JMJD1C: variants seen among roughly 807,000 people sequenced by gnomAD.
JMJD1C encodes jumonji domain containing 1C, also known as jumonji domain-containing protein 1C.
JMJD1C carries 31 observed loss-of-function variants against 245.3 expected under a neutral mutation model. The observed-to-expected ratio is 0.13, with a 90% CI of 0.09 to 0.17. The LOEUF is 0.17. JMJD1C is among the 10% of genes least tolerant of loss of function. The pLI, the probability that JMJD1C is intolerant of heterozygous loss-of-function variation, is 1.00. For synonymous variants in JMJD1C, 1,057 were observed against 1,017.4 expected, an observed-to-expected ratio of 1.04 and a Z score of -0.74; for missense variants, 2,691 against 3,000.2, an observed-to-expected ratio of 0.90 and a Z score of 2.41.
intron 22 of JMJD1C, among the ~76,000 whole-genome samples, chr10:63,178,946 A>G (rs1344434606): frequency 6.6e-6 from 1 of 152,214 alleles, no homozygotes; most frequent in Non-Finnish European, 1.5e-5. Flanking sequence ...TTACATGGAT[A>G]TATTGCCTAG....
intron 2 of JMJD1C, among the ~76,000 whole-genome samples, chr10:63,289,298 T>C (rs1858361353): frequency 1.5e-5 from 2 of 132,980 alleles, no homozygotes; most frequent in South Asian, 5.4e-4. Context: ...TTTATGTGTA[T>C]ACAAATTTAA....
At chr10:63,384,564 G>C (rs1205896696) in intron 1 of JMJD1C, among the ~76,000 whole-genome samples, 7 of 152,102 alleles carry the variant, frequency 4.6e-5, no homozygotes, top group Admixed American at 4.6e-4. Context: ...CTTTTTCTCT[G>C]AGTAGTACAT....
At chr10:63,236,421 G>A (rs923805770) in intron 3 of JMJD1C, among the ~76,000 whole-genome samples, 1 of 152,110 alleles carries the variant, frequency 6.6e-6, no homozygotes, top group South Asian at 2.1e-4. Context: ...TTCTTCTAAA[G>A]CCACATGTTA....
intron 1 of JMJD1C, 77 bp downstream of exon 1, chr10:63,465,418 A>T (rs1293961236): frequency 2.9e-6 from 4 of 1,394,844 alleles, no homozygotes; most frequent in Non-Finnish European, 3.8e-6. Context: ...GAGGCGCCAG[A>T]GGGAAGCCTG....
rs757739044 is a variant in JMJD1C, at chr10:63,208,100, G to T, written c.3569C>A (p.Thr1190Lys). Residue 1190 changes from threonine (T) to lysine (K), a missense_variant, in exon 10 of 26, where the codon ACA becomes AAA. Thr to Lys is a moderately conservative substitution (Grantham distance 78). Around this residue, in one of 9 missense-constraint regions of JMJD1C, gnomAD observed 1,562 missense variants for 1,490.7 expected, o/e 1.05. Transcript: ENST00000399262. ...RNDCRSPTHL[T>K]VSSTNTLRSM... ...GCGGAGTGTATTTGTAGAAGAAACT[G>T]TCAAATGGGTAGGACTCCTACAATC... 2 of 1,614,124 alleles carry T rather than the reference G, an allele frequency of 1.2e-6. No individual in the cohort carries two copies. Among genetic ancestry groups the T allele is most frequent in the South Asian group, 2.2e-5 (2 of 91,080 alleles).
At chr10:63,411,384 C>T (rs146641382) in intron 1 of JMJD1C, among the ~76,000 whole-genome samples, 39 of 151,306 alleles carry the variant, frequency 2.6e-4, no homozygotes, top group African/African-American at 9.0e-4. Flanking sequence ...CTGCAACCTC[C>T]GCCTCCCGGG....
chr10:63,395,692 G>A (rs1948440064), intron 1 of JMJD1C, among the ~76,000 whole-genome samples: 1 of 151,992 alleles, frequency 6.6e-6, no homozygotes, highest in Admixed American at 6.6e-5. Context: ...GACAAAAGCT[G>A]GAAAAAACCC....
intron 1 of JMJD1C, among the ~76,000 whole-genome samples, chr10:63,434,875 C>T (rs984481801): frequency 1.3e-5 from 2 of 152,134 alleles, no homozygotes; most frequent in Non-Finnish European, 1.5e-5. Context: ...TGATTAACTT[C>T]GTAATTTACA....
rs2133143653 is a variant in JMJD1C at position 63,206,932 on chromosome 10, A to C, written c.4737T>G (p.Ile1579Met). 1 of 1,612,132 alleles carries C rather than the reference A, an allele frequency of 6.2e-7. No homozygotes were observed. The highest frequency in any genetic ancestry group is 1.1e-5 in the South Asian group (1 of 90,770). Residue 1579 changes from isoleucine (I) to methionine (M), a missense_variant, in exon 10 of 26, where the codon ATT becomes ATG. Physicochemically the swap from Ile to Met is conservative, Grantham distance 10. Coordinates refer to ENST00000399262, the MANE Select transcript of JMJD1C (RefSeq NM_032776.3). ...CTATTAAGTTGACAGAACATGGCTTAATAATTTCTGATACAGAATTCCCTG... is the reference window on the plus strand; with the variant it reads ...CTATTAAGTTGACAGAACATGGCTTCATAATTTCTGATACAGAATTCCCTG... ...ENSGNSVSEIIKPCSVNLIAS... is the reference protein window; with the variant it reads ...ENSGNSVSEIMKPCSVNLIAS...
intron 2 of JMJD1C, among the ~76,000 whole-genome samples, chr10:63,349,354 G>C (rs1448456056): frequency 6.6e-6 from 1 of 152,136 alleles, no homozygotes; most frequent in East Asian, 1.9e-4. Context: ...GCCTGGTATG[G>C]AGCAAAAGTC....
chr10:63,459,405 C>T (rs1952633264), intron 1 of JMJD1C, among the ~76,000 whole-genome samples: 1 of 152,180 alleles, frequency 6.6e-6, no homozygotes, highest in African/African-American at 2.4e-5. Context: ...CTTGCCCTCT[C>T]TTGCTAATTT....
At chr10:63,418,396 T>C (rs1319323265) in intron 1 of JMJD1C, among the ~76,000 whole-genome samples, 1 of 152,198 alleles carries the variant, frequency 6.6e-6, no homozygotes, top group African/African-American at 2.4e-5. Flanking sequence ...TAAGAGGCAC[T>C]AAGTGGTTAT....
At chr10:63,392,814 ACTT>A (rs1297036158) in intron 1 of JMJD1C, among the ~76,000 whole-genome samples, 1 of 134,104 alleles carries the variant, frequency 7.5e-6, no homozygotes, top group Non-Finnish European at 1.6e-5. Flanking sequence ...ACAGAGCGAG[ACTT>A]CGTCTCCAAA....
intron 2 of JMJD1C, among the ~76,000 whole-genome samples, chr10:63,292,478 T>C (rs1360011519): frequency 6.6e-6 from 1 of 151,472 alleles, no homozygotes; most frequent in Non-Finnish European, 1.5e-5. Context: ...ACACATGGTG[T>C]TGCATGCCTA....
intron 2 of JMJD1C, among the ~76,000 whole-genome samples, chr10:63,379,486 AATT>A (rs1460874390): frequency 2.0e-5 from 3 of 152,256 alleles, no homozygotes; most frequent in African/African-American, 2.4e-5. Flanking sequence ...ATTTACTGAA[AATT>A]ATTATATTTT....
intron 24 of JMJD1C, 59 bp from the exon 25 acceptor site, chr10:63,168,625 C>T: frequency 6.8e-7 from 1 of 1,462,928 alleles, no homozygotes; most frequent in Non-Finnish European, 9.1e-7. Flanking sequence ...AAAGAAAAGC[C>T]AAGTTATTTA....
intron 2 of JMJD1C, chr10:63,301,702 T>C (rs981580473): frequency 1.1e-5 from 5 of 447,564 alleles, no homozygotes; most frequent in Admixed American, 9.6e-5. Context: ...AAATACCTAA[T>C]GCATATGCAG....
intron 17 of JMJD1C, among the ~76,000 whole-genome samples, chr10:63,190,214 A>AT (rs896929946): frequency 4.2e-4 from 58 of 138,166 alleles, no homozygotes; most frequent in African/African-American, 1.4e-3. Flanking sequence ...ATATACTTTT[A>AT]TTTTTTTTGA....
chr10:63,243,534 A>T (rs190621363), intron 3 of JMJD1C, among the ~76,000 whole-genome samples: 92 of 152,190 alleles, frequency 6.0e-4, no homozygotes, highest in African/African-American at 2.1e-3. Context: ...CTCAAAAAAA[A>T]TTTTTTTTCA....
Sources: allele counts gnomAD v4.1 joint callset (sites outside exome capture counted in the v4.1 genomes callset), GRCh38; gene constraint gnomAD v4.1.1; regional missense constraint gnomAD v4.1.1; transcripts MANE v1.5; gene names NCBI Gene and HGNC (gene_info 2026-07-23, HGNC 2026-07-21).